Variants in SLC9A9 observed in about 807,000 individuals in gnomAD.
SLC9A9 encodes the protein sodium/hydrogen exchanger 9.
SLC9A9 carries 62 observed loss-of-function variants against 77.8 expected under a neutral mutation model. The observed-to-expected ratio is 0.80, with a 90% CI of 0.65 to 0.98. The LOEUF (loss-of-function observed/expected upper bound fraction) is 0.98. Among genes scored for constraint, SLC9A9 ranks in the 50% least tolerant of loss-of-function variants. The pLI is 0.00. For synonymous variants in SLC9A9, 320 were observed against 283.5 expected (o/e 1.13, Z -1.29); for missense variants, 775 against 774.9 (o/e 1.00, Z 0.00).
intron 6 of SLC9A9, among the ~76,000 whole-genome samples, chr3:143,581,441 T>A (rs1431965221): frequency 1.3e-5 from 2 of 152,126 alleles, no homozygotes; most frequent in African/African-American, 4.8e-5. Flanking sequence ...AAGCAAGGCA[T>A]GTTTTGTTCT....
intron 6 of SLC9A9, among the ~76,000 whole-genome samples, chr3:143,591,550 C>T (rs73867681): frequency 0.095 from 14,463 of 152,002 alleles, 1,238 homozygotes; most frequent in African/African-American, 0.23. Context: ...AGAATATGGA[C>T]TTTAACATAT....
In SLC9A9 at chr3:143,797,240, C is replaced by A. The variant is rs1293138856; in HGVS notation, c.379-337G>T. Reference sequence around the variant, plus strand: ...TACAAGGATTTATTTAAAGTTTTCCCCAAATAAAATATTTTTGGAAATTGG... The same window carrying A: ...TACAAGGATTTATTTAAAGTTTTCCACAAATAAAATATTTTTGGAAATTGG... On this transcript the variant is annotated intron_variant, in intron 2 of 15. Transcript: ENST00000316549. Among the ~76,000 whole-genome samples, 3 of 88,658 alleles carry A rather than the reference C, an allele frequency of 3.4e-5. No individual in the cohort carries two copies. The East Asian group carries it at 1.3e-3, about 38-fold the overall frequency. The allele number at this position is 88,658 out of a possible 152,430, so 58.2% of individuals were successfully genotyped here.
intron 12 of SLC9A9, among the ~76,000 whole-genome samples, chr3:143,459,265 C>T (rs573240103): frequency 1.3e-5 from 2 of 151,888 alleles, no homozygotes; most frequent in African/African-American, 4.8e-5. Flanking sequence ...TAAGATTTTT[C>T]CTGGATCTTG....
At chr3:143,705,190 G>A (rs970302172) in intron 4 of SLC9A9, among the ~76,000 whole-genome samples, 14 of 151,976 alleles carry the variant, frequency 9.2e-5, no homozygotes, top group African/African-American at 3.4e-4. Context: ...AAGAAGCCAG[G>A]CACAGAAAGA....
chr3:143,566,288 A>T (rs116721619), intron 8 of SLC9A9, among the ~76,000 whole-genome samples: 364 of 152,288 alleles, frequency 2.4e-3, no homozygotes, highest in African/African-American at 8.5e-3. Context: ...ATGGCAATGT[A>T]ATTAGGCCCT....
At chr3:143,756,443 C>T (rs1286794372) in intron 4 of SLC9A9, among the ~76,000 whole-genome samples, 1 of 152,174 alleles carries the variant, frequency 6.6e-6, no homozygotes, top group Non-Finnish European at 1.5e-5. Context: ...AGCATCTATG[C>T]CCCAAGCTGC....
chr3:143,474,880 C>T (rs939421860), intron 11 of SLC9A9, among the ~76,000 whole-genome samples: 1 of 151,994 alleles, frequency 6.6e-6, no homozygotes, highest in Admixed American at 6.5e-5. Flanking sequence ...CCTGAGTCAT[C>T]CCTTGGCTGT....
At chr3:143,315,751 C>G (rs922404732) in intron 14 of SLC9A9, among the ~76,000 whole-genome samples, 1 of 152,224 alleles carries the variant, frequency 6.6e-6, no homozygotes, top group Non-Finnish European at 1.5e-5. Flanking sequence ...TGGAAGAACT[C>G]CCACTTGGGC....
intron 4 of SLC9A9, among the ~76,000 whole-genome samples, chr3:143,771,074 T>C (rs900146001): frequency 6.6e-6 from 1 of 152,082 alleles, no homozygotes; most frequent in Admixed American, 6.6e-5. Context: ...AAAACTACAA[T>C]GAGAGATTAT....
Position 143,265,667 on chromosome 3 carries a change from T to A in SLC9A9, c.*1035A>T. The stretch of plus-strand genomic sequence containing the variant: ...AAAGCTATCATGTTGGTCTCTGGAA[T>A]GCAGGCCATGAGCCACGCCTTGTAA... On this transcript the variant is annotated 3_prime_UTR_variant, in exon 16 of 16. Transcript: ENST00000316549. 2.5e-6 allele frequency: 1 copy of A among 399,420 alleles called. No individual in the cohort carries two copies. The highest frequency in any genetic ancestry group is 4.4e-6 in the Non-Finnish European group (1 of 227,268). The allele number at this position is 399,420 out of a possible 1,614,324, so 24.7% of individuals were successfully genotyped here.
intron 6 of SLC9A9, among the ~76,000 whole-genome samples, chr3:143,591,881 A>T (rs2037650801): frequency 1.3e-5 from 2 of 152,236 alleles, no homozygotes; most frequent in Non-Finnish European, 1.5e-5. Flanking sequence ...ATTGGGAAGG[A>T]GGGAGGTCAG....
intron 5 of SLC9A9, among the ~76,000 whole-genome samples, chr3:143,686,690 A>C (rs768598834): frequency 2.6e-5 from 4 of 152,142 alleles, no homozygotes; most frequent in Non-Finnish European, 5.9e-5. Flanking sequence ...TGTTAATCAA[A>C]ATTGTTATCT....
At chr3:143,649,999 G>A (rs1455541734) in intron 6 of SLC9A9, among the ~76,000 whole-genome samples, 1 of 152,172 alleles carries the variant, frequency 6.6e-6, no homozygotes, top group Non-Finnish European at 1.5e-5. Context: ...TAAATCCAAT[G>A]CTGTGCAGGG....
chr3:143,389,115 T>C (rs557212446), intron 12 of SLC9A9, among the ~76,000 whole-genome samples: 2 of 152,344 alleles, frequency 1.3e-5, no homozygotes, highest in African/African-American at 4.8e-5. Context: ...GGCCAAATTA[T>C]GAAGAATCTT....
At chr3:143,352,998 CCCTACACAAT>C in intron 14 of SLC9A9, among the ~76,000 whole-genome samples, 2 of 152,280 alleles carry the variant, frequency 1.3e-5, no homozygotes, top group South Asian at 4.1e-4. Context: ...CACATGCGGT[CCCTACACAAT>C]CTGTGCACAT....
At chr3:143,840,421 T>C (rs2009678516) in intron 1 of SLC9A9, among the ~76,000 whole-genome samples, 1 of 152,222 alleles carries the variant, frequency 6.6e-6, no homozygotes, top group African/African-American at 2.4e-5. Context: ...CTATTTTGCA[T>C]GATTCATATA....
chr3:143,720,112 CATATATA>C (rs1934458145), intron 4 of SLC9A9, among the ~76,000 whole-genome samples: 1 of 151,206 alleles, frequency 6.6e-6, no homozygotes, highest in South Asian at 2.1e-4. Flanking sequence ...TCTGATACCA[CATATATA>C]ATATATATTA....
chr3:143,416,076 A>G (rs950248267), intron 12 of SLC9A9, among the ~76,000 whole-genome samples: 4 of 152,184 alleles, frequency 2.6e-5, no homozygotes, highest in Non-Finnish European at 4.4e-5. Flanking sequence ...CAAGAGAACT[A>G]GAATTAGAAA....
intron 9 of SLC9A9, among the ~76,000 whole-genome samples, chr3:143,543,143 G>A (rs1185030961): frequency 2.0e-5 from 3 of 152,138 alleles, no homozygotes; most frequent in African/African-American, 4.8e-5. Context: ...TTATCTCTAT[G>A]CCTAAAAGGC....
Sources: allele counts gnomAD v4.1 joint callset (sites outside exome capture counted in the v4.1 genomes callset), GRCh38; gene constraint gnomAD v4.1.1; transcripts MANE v1.5; gene names NCBI Gene and HGNC (gene_info 2026-07-23, HGNC 2026-07-21).